The following HINT1 variants were observed in gnomAD, a reference collection of about 807,000 sequenced individuals.
HINT1 encodes histidine triad nucleotide binding protein 1, also known as adenosine 5'-monophosphoramidase HINT1.
Under a neutral mutation model 11.2 loss-of-function variants are expected in HINT1, and 12 were observed. The observed-to-expected ratio is 1.07, with a 90% confidence interval of 0.69 to 1.74. The LOEUF is 1.74. HINT1 is among the 40% of genes most tolerant of loss of function. The probability of loss-of-function intolerance (pLI) is 0.00; values close to 1 mark genes in which losing one functional copy is unlikely to be tolerated. For synonymous variants in HINT1, 42 were observed against 52.6 expected (o/e 0.80, Z 0.87); for missense variants, 150 against 161.8 (o/e 0.93, Z 0.40).
intron 2 of HINT1, among the ~76,000 whole-genome samples, chr5:131,161,053 T>C (rs1341263889): frequency 6.6e-6 from 1 of 152,230 alleles, no homozygotes; most frequent in Non-Finnish European, 1.5e-5. Context: ...AGCATCTATA[T>C]AAAATTTTGT....
intron 1 of HINT1, among the ~76,000 whole-genome samples, chr5:131,164,864 T>C (rs773847241): frequency 2.6e-5 from 4 of 151,474 alleles, no homozygotes; most frequent in African/African-American, 9.7e-5. Context: ...CCCGGCGGCC[T>C]GGCCCGCGCC....
rs567776271 is a variant in HINT1, at chr5:131,165,233, G to A, written c.-28C>T. 5.0e-6 allele frequency: 8 copies of A among 1,597,576 alleles called. No homozygotes were observed. In the African/African-American group the frequency reaches 1.1e-4, roughly 21 times the overall value. On this transcript the variant is annotated 5_prime_UTR_variant, in exon 1 of 3. Transcript: ENST00000304043. Reference sequence around the variant, plus strand: ...CGGCCTCTCTCCCGCGCGGCGGCCAGAGGAGAGGCTCGGAAGAAGGGAGGA... The same window carrying A: ...CGGCCTCTCTCCCGCGCGGCGGCCAAAGGAGAGGCTCGGAAGAAGGGAGGA...
At position 131,165,214 on chromosome 5, in the gene HINT1, C is replaced by T; in HGVS notation, c.-9G>A. On this transcript the variant is annotated 5_prime_UTR_variant, in exon 1 of 3. Transcript: ENST00000304043. ...GCAATCTCATCTGCCATCTCGGCCT[C>T]TCTCCCGCGCGGCGGCCAGAGGAGA... 1 of 1,603,648 alleles carries T rather than the reference C, an allele frequency of 6.2e-7. No homozygotes were observed.
intron 2 of HINT1, among the ~76,000 whole-genome samples, chr5:131,160,096 T>C (rs7448009): frequency 0.39 from 59,191 of 151,908 alleles, 14,980 homozygotes; most frequent in African/African-American, 0.73. Context: ...TTGGGCAATC[T>C]GCCCACCTTA....
chr5:131,162,579 T>A lies in HINT1; in HGVS notation c.209A>T (p.Asp70Val). 6.2e-7 allele frequency: 1 copy of A among 1,610,414 alleles called. No individual in the cohort carries two copies. Among genetic ancestry groups the A allele is most frequent in the Non-Finnish European group, 8.5e-7 (1 of 1,176,622 alleles). ...ISQISVAEDDDESLLGHLMIV... is the reference protein window; with the variant it reads ...ISQISVAEDDVESLLGHLMIV... The stretch of plus-strand genomic sequence containing the variant: ...TGTTAGAAATGTACTTACACTTTCA[T>A]CATCATCTTCTGCCACAGAAATCTG... The change falls in exon 2 of 3, where the codon GAT (aspartate) becomes GTT (valine). Residue 70 changes from aspartate to valine, a missense_variant. Physicochemically the swap from Asp to Val is radical, Grantham distance 152 (BLOSUM62 -3). Transcript: ENST00000304043.
chr5:131,162,318 CAAAAA>C, intron 2 of HINT1: 6 of 584,342 alleles, frequency 1.0e-5, no homozygotes, highest in East Asian at 3.0e-5. Context: ...GACTCTGTCT[CAAAAA>C]AAAAAAAAAA....
intron 2 of HINT1, among the ~76,000 whole-genome samples, chr5:131,161,555 A>G (rs912391469): frequency 6.6e-6 from 1 of 150,718 alleles, no homozygotes; most frequent in Non-Finnish European, 1.5e-5. Context: ...AGATCGTGCC[A>G]TTGCACTCCA....
Position 131,160,780 on chromosome 5 carries a change from A to G in HINT1, c.217-1169T>C, listed in dbSNP as rs548547083. The G allele has an allele frequency of 1.2e-3, 692 of 579,520 alleles. 5 individuals are homozygous for G. In the African/African-American group the frequency reaches 0.012, roughly 10 times the overall value. 35.9% of individuals were successfully genotyped at this position (579,520 alleles called of 1,614,324 possible). ...TGCATTCAGGAGAAACCATACTTCG[A>G]ATTCTGATCCTTTTCCAGACTGGTG... On this transcript the variant is annotated intron_variant, in intron 2 of 2. Coordinates refer to ENST00000304043, the MANE Select transcript of HINT1 (RefSeq NM_005340.7).
At chr5:131,161,822 G>C (rs767537355) in intron 2 of HINT1, among the ~76,000 whole-genome samples, 2 of 152,108 alleles carry the variant, frequency 1.3e-5, no homozygotes, top group Non-Finnish European at 1.5e-5. Context: ...ACATGGGTTT[G>C]ACCCGTGCAG....
intron 2 of HINT1, chr5:131,162,370 T>C: frequency 9.9e-7 from 1 of 1,005,292 alleles, no homozygotes; most frequent in East Asian, 2.6e-5. Flanking sequence ...ACGGAGAAGC[T>C]GGAACGCTCA....
intron 1 of HINT1, 81 bp from the exon 2 acceptor site, chr5:131,162,757 G>C: frequency 1.2e-6 from 1 of 858,966 alleles, no homozygotes; most frequent in Non-Finnish European, 1.9e-6. Context: ...AGTATTTACT[G>C]AGCAGTAACT....
At chr5:131,162,746 A>T in intron 1 of HINT1, 70 bp from the exon 2 acceptor site, 1 of 997,896 alleles carries the variant, frequency 1.0e-6, no homozygotes, top group Non-Finnish European at 1.5e-6. Context: ...TTATTTCAAC[A>T]AGTATTTACT....
chr5:131,162,351 GATA>G lies in HINT1; in HGVS notation c.216+218_216+220del, dbSNP rs1755275386. 1.4e-5 allele frequency: 11 copies of G among 797,236 alleles called. No individual in the cohort carries two copies. The East Asian group carries it at 2.7e-4, about 19-fold the overall frequency. The allele number at this position is 797,236 out of a possible 1,614,324, so 49.4% of individuals were successfully genotyped here. A position where few individuals can be genotyped will look rare whatever the true frequency, so the allele number is the denominator to read the frequency against. ...AAAAAAAAAGGTAATAGCAAGTGTT[GATA>G]AGGATACGGAGAAGCTGGAACGCTC... is the stretch of plus-strand genomic sequence containing the variant. On this transcript the variant is annotated intron_variant, in intron 2 of 2. Coordinates refer to ENST00000304043, the MANE Select transcript of HINT1 (RefSeq NM_005340.7).
rs752008656 is a variant in HINT1, at chr5:131,165,173, A to C, written c.33T>G (p.Ala11=). The change falls in exon 1 of 3, where the codon GCT becomes GCG. Residue 11 remains alanine (A), a synonymous_variant. Transcript: ENST00000304043. Reference sequence around the variant, plus strand: ...CAAAGATCGTGTCGCCACCAGGCCGAGCGACCTGAGCCTTGGCAATCTCAT... The same window carrying C: ...CAAAGATCGTGTCGCCACCAGGCCGCGCGACCTGAGCCTTGGCAATCTCAT... The part of the protein sequence containing the change: MADEIAKAQV[A]RPGGDTIFGK... 6.2e-6 allele frequency: 10 copies of C among 1,610,318 alleles called. No individual in the cohort carries two copies. The African/African-American group carries it at 1.3e-4, about 21-fold the overall frequency.
chr5:131,161,386 G>A (rs1006613719), intron 2 of HINT1, among the ~76,000 whole-genome samples: 3 of 151,828 alleles, frequency 2.0e-5, no homozygotes, highest in African/African-American at 4.8e-5. Context: ...GGTGGATCAC[G>A]TGAGGTTGGG....
intron 2 of HINT1, 173 bp downstream of exon 2, chr5:131,162,399 C>A (rs1192801393): frequency 7.4e-7 from 1 of 1,344,042 alleles, no homozygotes; most frequent in Non-Finnish European, 1.0e-6. Context: ...TGGTGGGATA[C>A]AAAATGATGC....
chr5:131,164,922 G>C, intron 1 of HINT1, 173 bp downstream of exon 1: 6 of 840,658 alleles, frequency 7.1e-6, no homozygotes, highest in Admixed American at 3.4e-5. Context: ...CCGGCAGGCC[G>C]CCTCGGAGTG....
At position 131,165,190 on chromosome 5, in the gene HINT1, CA is replaced by C; in HGVS notation, c.15del (p.Ile5MetfsTer50). 1 of 1,608,590 alleles carries C rather than the reference CA, an allele frequency of 6.2e-7. No individual in the cohort carries two copies. Among genetic ancestry groups the C allele is most frequent in the Non-Finnish European group, 8.5e-7 (1 of 1,179,880 alleles). Reference protein sequence around the residue: MADEIAKAQVARPGG... With the variant: MADEXAKAQVARPGG... ...CCAGGCCGAGCGACCTGAGCCTTGGCAATCTCATCTGCCATCTCGGCCTCTC... is the reference window on the plus strand; with the variant it reads ...CCAGGCCGAGCGACCTGAGCCTTGGCATCTCATCTGCCATCTCGGCCTCTC... On this transcript the variant is annotated frameshift_variant, in exon 1 of 3. Coordinates refer to ENST00000304043, the MANE Select transcript of HINT1 (RefSeq NM_005340.7). LOFTEE classifies it high-confidence loss of function.
In HINT1 at chr5:131,159,544, C is replaced by T. The variant is rs373197800; in HGVS notation, c.284G>A (p.Arg95Gln). The T allele has an allele frequency of 3.0e-5, 48 of 1,613,712 alleles. No individual in the cohort carries two copies. The highest frequency in any genetic ancestry group is 3.3e-4 in the Middle Eastern group (2 of 6,062). The change falls in exon 3 of 3, where the codon CGA becomes CAA. Residue 95 changes from arginine (R) to glutamine (Q), a missense_variant. Transcript: ENST00000304043. Reference protein sequence around the residue: ...AADLGLNKGYRMVVNEGSDGG... With the variant: ...AADLGLNKGYQMVVNEGSDGG... ...ATCTGAACCTTCATTCACCACCATT[C>T]GATAACCCTTATTCAGGCCCAGATC...
Sources: gnomAD v4.1 joint callset for allele counts (sites outside exome capture counted in the v4.1 genomes callset) on GRCh38, gnomAD v4.1.1 for gene constraint, MANE v1.5 for transcripts, NCBI Gene and HGNC (gene_info 2026-07-23, HGNC 2026-07-21) for gene names.